The following ZNF638 variants were observed in gnomAD, a reference collection of about 807,000 sequenced individuals.
ZNF638 encodes the protein CTCL tumor antigen se33-1.
In ZNF638, 46 loss-of-function variants were observed where a neutral mutation model predicts 195.6. The ratio of observed to expected loss-of-function variants is 0.24; its 90% CI spans 0.19 to 0.30. The LOEUF (loss-of-function observed/expected upper bound fraction) is 0.30. ZNF638 is among the 10% of genes least tolerant of loss of function. The pLI, the probability that ZNF638 is intolerant of heterozygous loss-of-function variation, is 1.00. For missense variants in ZNF638, 2,440 were observed against 2,325.3 expected (o/e 1.05, Z -1.01); for synonymous variants, 845 against 772.0 (o/e 1.09, Z -1.57).
At chr2:71,396,100 A>T (rs1370796320) in intron 10 of ZNF638, 41 bp from the exon 11 acceptor site, 1 of 1,576,960 alleles carries the variant, frequency 6.3e-7, no homozygotes, top group Admixed American at 1.7e-5. Context: ...AAGTGATGTT[A>T]TTTGTAATGT....
intron 8 of ZNF638, among the ~76,000 whole-genome samples, chr2:71,373,582 C>A (rs1234534411): frequency 6.6e-6 from 1 of 151,090 alleles, no homozygotes; most frequent in African/African-American, 2.4e-5. Flanking sequence ...GTACCTGGGA[C>A]TACAGGTGCT....
At chr2:71,376,837 A>G (rs1468733826) in intron 8 of ZNF638, among the ~76,000 whole-genome samples, 4 of 152,248 alleles carry the variant, frequency 2.6e-5, no homozygotes, top group Non-Finnish European at 2.9e-5. Flanking sequence ...ATTTAATAAT[A>G]ACCTCGACAT....
Position 71,418,543 on chromosome 2 carries a change from T to TA in ZNF638, c.3262-58dup, listed in dbSNP as rs776700238. 6 of 1,181,396 alleles carry TA rather than the reference T, an allele frequency of 5.1e-6. No homozygotes were observed. The Middle Eastern group carries it at 1.2e-3, about 242-fold the overall frequency. The allele number at this position is 1,181,396 out of a possible 1,614,324, so 73.2% of individuals were successfully genotyped here. ...ATTTTTACTAAAAACATTGCTTTTA[T>TA]AGTTAAATATTTCAAATCCAGTGGA... On this transcript the variant is annotated intron_variant, in intron 20 of 27. Coordinates refer to ENST00000264447, the MANE Select transcript of ZNF638 (RefSeq NM_014497.5).
intron 17 of ZNF638, among the ~76,000 whole-genome samples, chr2:71,404,966 A>T (rs1450476665): frequency 6.6e-6 from 1 of 152,210 alleles, no homozygotes; most frequent in Non-Finnish European, 1.5e-5. Flanking sequence ...GTAGAAATGC[A>T]TGTAATGTAA....
intron 3 of ZNF638, among the ~76,000 whole-genome samples, chr2:71,361,937 T>TCGACCTAA: frequency 6.6e-6 from 1 of 152,358 alleles, no homozygotes; most frequent in Non-Finnish European, 1.5e-5. Flanking sequence ...TTAATAAGGT[T>TCGACCTAA]CGACCTAACG....
At chr2:71,343,680 C>T (rs1028353043) in intron 1 of ZNF638, among the ~76,000 whole-genome samples, 30 of 152,260 alleles carry the variant, frequency 2.0e-4, no homozygotes, top group Middle Eastern at 3.4e-3. Context: ...TCTGACACCC[C>T]TAAATAGAAT....
intron 4 of ZNF638, 37 bp downstream of exon 4, chr2:71,363,228 T>C (rs1298015746): frequency 7.0e-7 from 1 of 1,436,394 alleles, no homozygotes; most frequent in African/African-American, 1.4e-5. Context: ...TAAAACCTGA[T>C]TGTCTTTTAA....
rs186715287 is a variant in ZNF638 at position 71,369,363 on chromosome 2, G to A, written c.2143-520G>A. ...AAAAAGTTTTGTGAGTTAAGGCTGG[G>A]TGTGGTGGCTGAAGTCTGTAATCCC... On this transcript the variant is annotated intron_variant, in intron 7 of 27. Coordinates refer to ENST00000264447, the MANE Select transcript of ZNF638 (RefSeq NM_014497.5). Among the ~76,000 whole-genome samples the A allele has an allele frequency of 3.4e-3, 520 of 151,920 alleles. 2 individuals are homozygous for A. The highest frequency in any genetic ancestry group is 0.012 in the African/African-American group (490 of 41,410).
intron 3 of ZNF638, among the ~76,000 whole-genome samples, chr2:71,359,611 C>A: frequency 6.6e-6 from 1 of 152,226 alleles, no homozygotes; most frequent in East Asian, 1.9e-4. Context: ...ATCCCTCAAT[C>A]TAGTCAAGTT....
At position 71,401,959 on chromosome 2, in the gene ZNF638, A is replaced by G; in HGVS notation, c.2701A>G (p.Thr901Ala). 1 of 1,561,208 alleles carries G rather than the reference A, an allele frequency of 6.4e-7. No individual in the cohort carries two copies. The highest frequency in any genetic ancestry group is 8.7e-7 in the Non-Finnish European group (1 of 1,155,848). ...ATENEPLNKE[T>A]EEMCVMLVSN... ...GTTTTAAAAATTTGTTTTGAAGGAA[A>G]CAGAAGAAATGTGTGTGATGCTTGT... Residue 901 changes from threonine to alanine, a missense_variant, in exon 16 of 28, where the codon ACA (threonine) becomes GCA (alanine). Thr to Ala is a moderately conservative substitution (Grantham distance 58, BLOSUM62 0). Coordinates refer to ENST00000264447, the MANE Select transcript of ZNF638 (RefSeq NM_014497.5).
At chr2:71,394,335 A>G (rs2079849723) in intron 10 of ZNF638, among the ~76,000 whole-genome samples, 1 of 152,084 alleles carries the variant, frequency 6.6e-6, no homozygotes, top group Non-Finnish European at 1.5e-5. Context: ...TCTTAGCACC[A>G]CCCTTAACAC....
chr2:71,421,663 A>T (rs1479756875), intron 21 of ZNF638, among the ~76,000 whole-genome samples: 6 of 152,302 alleles, frequency 3.9e-5, no homozygotes, highest in Non-Finnish European at 7.4e-5. Context: ...GGGATGGCTC[A>T]TCCTCTCCTT....
At chr2:71,368,275 C>T (rs2079242077) in intron 6 of ZNF638, 107 bp from the exon 7 acceptor site, 3 of 1,015,736 alleles carry the variant, frequency 3.0e-6, no homozygotes, top group Non-Finnish European at 4.1e-6. Flanking sequence ...TGGAAAAGAC[C>T]CTTTAGTGTA....
intron 1 of ZNF638, among the ~76,000 whole-genome samples, chr2:71,336,501 A>G (rs947250606): frequency 5.3e-5 from 8 of 152,170 alleles, no homozygotes; most frequent in African/African-American, 1.9e-4. Context: ...TGTCTAATAT[A>G]ATTTTCAAAA....
chr2:71,355,736 A>G lies in ZNF638; in HGVS notation c.1335A>G (p.Gln445=). Residue 445 remains glutamine, a synonymous_variant, in exon 3 of 28, where the codon CAA becomes CAG. Transcript: ENST00000264447. Reference sequence around the variant, plus strand: ...TACAATAGGATTGGATTCAGCATCAAAATACATCTACTCATATTGAGAGCT... The same window carrying G: ...TACAATAGGATTGGATTCAGCATCAGAATACATCTACTCATATTGAGAGCT... The part of the protein sequence containing the change: ...CSHLKDWIQH[Q]NTSTHIESCR... 3.1e-6 allele frequency: 5 copies of G among 1,600,866 alleles called. No homozygotes were observed. The highest frequency in any genetic ancestry group is 8.5e-7 in the Non-Finnish European group (1 of 1,173,512).
intron 1 of ZNF638, among the ~76,000 whole-genome samples, chr2:71,333,872 T>C (rs1326509036): frequency 1.3e-5 from 2 of 152,242 alleles, no homozygotes; most frequent in African/African-American, 2.4e-5. Context: ...TACTAGGTGC[T>C]TAATGTTAGC....
In ZNF638 at chr2:71,331,813, G is replaced by C. The variant is rs2078572975; in HGVS notation, c.-265G>C. On this transcript the variant is annotated 5_prime_UTR_variant, in exon 1 of 28. Coordinates refer to ENST00000264447, the MANE Select transcript of ZNF638 (RefSeq NM_014497.5). ...GGTAGCGTTTTCGGCGTCGAGACTG[G>C]AGGCTGAGTGCTAAACTGTGTGGGG... 1.0e-6 allele frequency: 1 copy of C among 986,082 alleles called. No individual in the cohort carries two copies. Among genetic ancestry groups the C allele is most frequent in the African/African-American group, 1.7e-5 (1 of 57,262 alleles). The allele number at this position is 986,082 out of a possible 1,614,324, so 61.1% of individuals were successfully genotyped here.
rs563888676 is a variant in ZNF638 at position 71,396,789 on chromosome 2, CA to C, written c.2428+605del. 1.0e-3 allele frequency among the ~76,000 whole-genome samples: 155 copies of C among 152,118 alleles called. 1 individual carries two copies. Among genetic ancestry groups the C allele is most frequent in the South Asian group, 4.1e-3 (20 of 4,820 alleles). On this transcript the variant is annotated intron_variant, in intron 11 of 27. Coordinates refer to ENST00000264447, the MANE Select transcript of ZNF638 (RefSeq NM_014497.5). ...TGAAATTCTGTCTCTACTGAAAATA[CA>C]AAAAAACTAGCCAGGCACCAGTGAT... is the stretch of plus-strand genomic sequence containing the variant.
chr2:71,333,535 A>T (rs3771381), intron 1 of ZNF638, among the ~76,000 whole-genome samples: 8,881 of 152,232 alleles, frequency 0.058, 992 homozygotes, highest in East Asian at 0.56. Context: ...ACTGTAGTTT[A>T]AAAAAGTCAT....
Sources: gnomAD v4.1 joint callset for allele counts (sites outside exome capture counted in the v4.1 genomes callset) on GRCh38, gnomAD v4.1.1 for gene constraint, MANE v1.5 for transcripts, NCBI Gene and HGNC (gene_info 2026-07-23, HGNC 2026-07-21) for gene names.